MAD1L1: variants seen among roughly 807,000 people sequenced by gnomAD.
The protein encoded by MAD1L1 is mitotic spindle assembly checkpoint protein MAD1.
In MAD1L1, 95 loss-of-function variants were observed where a neutral mutation model predicts 96.9. The ratio of observed to expected loss-of-function variants is 0.98; its 90% CI spans 0.83 to 1.16. MAD1L1 has a LOEUF of 1.16. Among genes scored for constraint, MAD1L1 ranks in the 50% most tolerant of loss-of-function variants. MAD1L1 has a pLI of 0.00. For synonymous variants in MAD1L1, 473 were observed against 396.6 expected (o/e 1.19, Z -2.29); for missense variants, 1,007 against 954.4 (o/e 1.06, Z -0.73).
intron 15 of MAD1L1, among the ~76,000 whole-genome samples, chr7:1,966,560 C>CAAAAAAAAAAAAA (rs199627043): frequency 1.1e-4 from 1 of 9,290 alleles, no homozygotes; most frequent in African/African-American, 2.4e-4. Context: ...CCAAACTTGG[C>CAAAAAAAAAAAAA]AAAAAAAAAA....
At chr7:2,024,326 G>C (rs979418015) in intron 12 of MAD1L1, among the ~76,000 whole-genome samples, 1 of 152,216 alleles carries the variant, frequency 6.6e-6, no homozygotes, top group African/African-American at 2.4e-5. Flanking sequence ...ACATGAATCG[G>C]TCTTTCTAGT....
intron 11 of MAD1L1, among the ~76,000 whole-genome samples, chr7:2,081,710 C>G (rs943508663): frequency 3.3e-5 from 5 of 152,260 alleles, no homozygotes; most frequent in African/African-American, 1.2e-4. Flanking sequence ...CGGCGGAGCA[C>G]AACGGCCCAG....
At chr7:2,060,453 G>T (rs188769654) in intron 12 of MAD1L1, among the ~76,000 whole-genome samples, 1 of 152,104 alleles carries the variant, frequency 6.6e-6, no homozygotes, top group African/African-American at 2.4e-5. Flanking sequence ...CGCCGATGCC[G>T]AGATAACGCT....
At chr7:1,849,651 G>C (rs190676847) in intron 18 of MAD1L1, 2 of 152,336 alleles carry the variant, frequency 1.3e-5, no homozygotes, top group Non-Finnish European at 2.9e-5. Flanking sequence ...CGTCCTAGGT[G>C]AGACTTCAAG....
In MAD1L1 at chr7:1,826,305, A is replaced by G. The variant is rs564789984; in HGVS notation, c.1999-10077T>C. 1.3e-4 allele frequency among the ~76,000 whole-genome samples: 20 copies of G among 152,012 alleles called. No individual in the cohort carries two copies. In the South Asian group the frequency reaches 4.0e-3, roughly 30 times the overall value. ...CCGTCCGCGCTCTGAGGAGGGAGAG[A>G]GCAAGCTTCTCGCTGCTGGTGTATT... On this transcript the variant is annotated intron_variant, in intron 18 of 18. Coordinates refer to ENST00000265854, the MANE Select transcript of MAD1L1 (RefSeq NM_001013836.2).
intron 18 of MAD1L1, among the ~76,000 whole-genome samples, chr7:1,827,954 C>T (rs1297743697): frequency 2.6e-5 from 4 of 152,188 alleles, no homozygotes; most frequent in Admixed American, 6.5e-5. Flanking sequence ...TTTCGTGGAG[C>T]GCCACGCTTA....
chr7:1,924,241 GCACAT>G, intron 17 of MAD1L1, among the ~76,000 whole-genome samples: 1 of 152,224 alleles, frequency 6.6e-6, no homozygotes, highest in East Asian at 1.9e-4. Context: ...GGTGTAGAAA[GCACAT>G]CACCACAGGA....
At chr7:2,194,798 A>T (rs1466771773) in intron 10 of MAD1L1, among the ~76,000 whole-genome samples, 1 of 152,142 alleles carries the variant, frequency 6.6e-6, no homozygotes, top group Non-Finnish European at 1.5e-5. Context: ...TTTGGGCTGG[A>T]CGCAGTGGCT....
intron 11 of MAD1L1, among the ~76,000 whole-genome samples, chr7:2,108,686 G>A (rs1226465577): frequency 1.3e-5 from 2 of 152,192 alleles, no homozygotes; most frequent in African/African-American, 4.8e-5. Context: ...GTTGGCAGAG[G>A]GGGTTTCACT....
At chr7:1,933,419 G>A (rs1359891310) in intron 17 of MAD1L1, among the ~76,000 whole-genome samples, 1 of 152,170 alleles carries the variant, frequency 6.6e-6, no homozygotes, top group Non-Finnish European at 1.5e-5. Context: ...CGTGGCGGGG[G>A]TGTGCGATCC....
intron 17 of MAD1L1, among the ~76,000 whole-genome samples, chr7:1,919,331 C>A (rs922457884): frequency 6.6e-6 from 1 of 152,254 alleles, no homozygotes; most frequent in Admixed American, 6.5e-5. Context: ...GATGGACACA[C>A]GGTGTGTTGG....
chr7:2,039,964 C>T (rs1014344313), intron 12 of MAD1L1, among the ~76,000 whole-genome samples: 35 of 152,196 alleles, frequency 2.3e-4, no homozygotes, highest in African/African-American at 8.4e-4. Context: ...TAAAAGAAAT[C>T]GGTCAAGCCT....
At chr7:2,043,112 G>A (rs761400992) in intron 12 of MAD1L1, among the ~76,000 whole-genome samples, 15 of 152,228 alleles carry the variant, frequency 9.9e-5, no homozygotes, top group Non-Finnish European at 2.1e-4. Context: ...CACGCAGAAT[G>A]CATTCAATTA....
rs1190333751 is a variant in MAD1L1, at chr7:1,816,201, G to A, written c.2026C>T (p.Gln676Ter). ...KATSPSGSKM[Q>*]LLETEFSHTV... ...TGTGAGAACTCTGTCTCCAGTAGCT[G>A]CATCTTGGAACCCGAGGGGCTGGTG... Residue 676 changes from glutamine (Q) to a stop codon, truncating the protein, a stop_gained, in exon 19 of 19, where the codon CAG becomes TAG. Coordinates refer to ENST00000265854, the MANE Select transcript of MAD1L1 (RefSeq NM_001013836.2). LOFTEE classifies it high-confidence loss of function. The A allele has an allele frequency of 6.2e-7, 1 of 1,612,938 alleles. No homozygotes were observed. Among genetic ancestry groups the A allele is most frequent in the Admixed American group, 1.7e-5 (1 of 59,954 alleles).
At chr7:2,014,395 T>A (rs1176413424) in intron 13 of MAD1L1, 107 bp downstream of exon 13, 1 of 1,385,476 alleles carries the variant, frequency 7.2e-7, no homozygotes, top group Non-Finnish European at 9.6e-7. Context: ...AGCCGGGAAC[T>A]GGGGAGGCGG....
chr7:1,980,270 C>A (rs1214866820), intron 15 of MAD1L1, among the ~76,000 whole-genome samples, 183 bp downstream of exon 15: 4 of 150,846 alleles, frequency 2.7e-5, no homozygotes, highest in African/African-American at 9.8e-5. Flanking sequence ...CCCCACCCCA[C>A]AGGACACACC....
chr7:1,913,266 G>A (rs1034392621), intron 17 of MAD1L1, among the ~76,000 whole-genome samples: 1 of 152,022 alleles, frequency 6.6e-6, no homozygotes, highest in South Asian at 2.1e-4. Context: ...ACAGGGCTCT[G>A]GAAGGAGAGG....
At chr7:2,107,497 C>T (rs1225703998) in intron 11 of MAD1L1, 1 of 152,510 alleles carries the variant, frequency 6.6e-6, no homozygotes, top group Non-Finnish European at 1.5e-5. Context: ...GTGAGGTAAC[C>T]ATGCCACTGC....
rs148134813 is a variant in MAD1L1, at chr7:2,011,333, G to A, written c.1359+3169C>T. 4.8e-4 allele frequency among the ~76,000 whole-genome samples: 73 copies of A among 152,284 alleles called. 2 individuals carry two copies. In the East Asian group the frequency reaches 0.013, roughly 26 times the overall value. On this transcript the variant is annotated intron_variant, in intron 13 of 18. Coordinates refer to ENST00000265854, the MANE Select transcript of MAD1L1 (RefSeq NM_001013836.2). ...CCCTTGCCACACTTCATGTGCAGCC[G>A]CGCCCCAACCTTCCCTGGAGCATAG...
Sources: gnomAD v4.1 joint callset for allele counts (sites outside exome capture counted in the v4.1 genomes callset) on GRCh38, gnomAD v4.1.1 for gene constraint, MANE v1.5 for transcripts, NCBI Gene and HGNC (gene_info 2026-07-23, HGNC 2026-07-21) for gene names.